TYW1B: variants seen among roughly 807,000 people sequenced by gnomAD.
TYW1B encodes S-adenosyl-L-methionine-dependent tRNA 4-demethylwyosine synthase TYW1B.
In TYW1B, 73 loss-of-function variants were observed where a neutral mutation model predicts 86.9. That is an observed-to-expected ratio of 0.84 (90% CI 0.70 to 1.02). TYW1B has a LOEUF of 1.02. TYW1B is among the 50% of genes least tolerant of loss of function. The pLI is 0.00. For synonymous variants in TYW1B, 248 were observed against 292.8 expected, an observed-to-expected ratio of 0.85 and a Z score of 1.56; for missense variants, 637 against 827.4, an observed-to-expected ratio of 0.77 and a Z score of 2.82.
intron 12 of TYW1B, among the ~76,000 whole-genome samples, chr7:72,625,459 T>C (rs1554438609): frequency 6.6e-6 from 1 of 151,606 alleles, no homozygotes; most frequent in African/African-American, 2.4e-5. Flanking sequence ...TTTCTATAAA[T>C]ACAAAAATGT....
intron 9 of TYW1B, among the ~76,000 whole-genome samples, chr7:72,715,948 T>C (rs1786773533): frequency 1.3e-5 from 2 of 152,156 alleles, no homozygotes; most frequent in African/African-American, 4.8e-5. Flanking sequence ...TGTTTGTTTT[T>C]GAGATGGAGT....
At chr7:72,741,513 C>T (rs1787304127) in intron 8 of TYW1B, among the ~76,000 whole-genome samples, 1 of 151,994 alleles carries the variant, frequency 6.6e-6, no homozygotes, top group African/African-American at 2.4e-5. Flanking sequence ...ATCAAGCATA[C>T]CAACATATGC....
intron 6 of TYW1B, among the ~76,000 whole-genome samples, chr7:72,779,849 T>A (rs1475345587): frequency 6.8e-6 from 1 of 147,050 alleles, no homozygotes; most frequent in Non-Finnish European, 1.5e-5. Context: ...GAGAATCAAA[T>A]GTACCAAATG....
chr7:72,625,073 A>G (rs1585857092), intron 12 of TYW1B, among the ~76,000 whole-genome samples: 1 of 152,212 alleles, frequency 6.6e-6, no homozygotes, highest in East Asian at 1.9e-4. Context: ...AAAAAAAAAA[A>G]AATTTAATTG....
At chr7:72,769,554 A>G (rs1787831195) in intron 7 of TYW1B, among the ~76,000 whole-genome samples, 1 of 152,222 alleles carries the variant, frequency 6.6e-6, no homozygotes. Context: ...AAAGAAAAAT[A>G]TGATATAGTG....
chr7:72,640,124 TTATAA>T (rs1479559598), intron 11 of TYW1B, among the ~76,000 whole-genome samples: 1 of 151,188 alleles, frequency 6.6e-6, no homozygotes, highest in Non-Finnish European at 1.5e-5. Context: ...AATGGAAAAC[TTATAA>T]TAAAATTCCT....
intron 9 of TYW1B, among the ~76,000 whole-genome samples, chr7:72,727,227 C>T (rs1261360845): frequency 6.6e-6 from 1 of 152,078 alleles, no homozygotes; most frequent in African/African-American, 2.4e-5. Flanking sequence ...CTTCAGAATG[C>T]TAATTACTGA....
intron 12 of TYW1B, among the ~76,000 whole-genome samples, chr7:72,622,746 ACAC>A (rs1291710977): frequency 6.6e-6 from 1 of 151,388 alleles, no homozygotes; most frequent in Non-Finnish European, 1.5e-5. Context: ...CATACAACAC[ACAC>A]AAGTGCACAC....
chr7:72,735,224 T>C (rs1212491336), intron 8 of TYW1B, among the ~76,000 whole-genome samples: 2 of 152,090 alleles, frequency 1.3e-5, no homozygotes, highest in African/African-American at 4.8e-5. Flanking sequence ...AGCAGATAAA[T>C]GGATAAAGGA....
At chr7:72,733,431 G>A (rs145150090) in intron 8 of TYW1B, among the ~76,000 whole-genome samples, 1,965 of 152,060 alleles carry the variant, frequency 0.013, 64 homozygotes, top group Admixed American at 0.072. Flanking sequence ...AGGCCAAGGC[G>A]GGCGGATCAT....
chr7:72,578,109 T>C (rs1290822588), intron 13 of TYW1B, among the ~76,000 whole-genome samples: 1 of 139,676 alleles, frequency 7.2e-6, no homozygotes, highest in Non-Finnish European at 1.5e-5. Context: ...CCTCTCTTCC[T>C]CACCATTTTT....
chr7:72,658,073 G>A (rs1283333584), intron 11 of TYW1B, among the ~76,000 whole-genome samples: 1 of 152,078 alleles, frequency 6.6e-6, no homozygotes, highest in East Asian at 1.9e-4. Flanking sequence ...GGCTAACACA[G>A]TGAAACCCCG....
At chr7:72,615,211 G>C (rs1337481541) in intron 13 of TYW1B, among the ~76,000 whole-genome samples, 3 of 152,146 alleles carry the variant, frequency 2.0e-5, no homozygotes, top group African/African-American at 7.2e-5. Context: ...TATCCTCATG[G>C]GAAAAGAGAA....
chr7:72,770,427 C>CAAAAAAAAAA (rs587645992), intron 7 of TYW1B, among the ~76,000 whole-genome samples: 3 of 94,444 alleles, frequency 3.2e-5, no homozygotes, highest in African/African-American at 4.4e-5. Flanking sequence ...GACTCCGTCT[C>CAAAAAAAAAA]AAAAAAAAAA....
At chr7:72,578,514 G>A (rs1423254478) in intron 13 of TYW1B, among the ~76,000 whole-genome samples, 3 of 152,052 alleles carry the variant, frequency 2.0e-5, no homozygotes, top group African/African-American at 7.2e-5. Context: ...GCTGCTACTG[G>A]CTCCATAGAA....
intron 8 of TYW1B, among the ~76,000 whole-genome samples, chr7:72,743,652 TG>T (rs1168835704): frequency 2.0e-4 from 30 of 152,124 alleles, no homozygotes; most frequent in African/African-American, 7.0e-4. Flanking sequence ...AAAACCGGCC[TG>T]GCCAACATGG....
At chr7:72,671,917 A>C (rs1332034065) in intron 11 of TYW1B, among the ~76,000 whole-genome samples, 24 of 151,802 alleles carry the variant, frequency 1.6e-4, no homozygotes, top group Non-Finnish European at 2.9e-5. Context: ...ATTCAAGGAA[A>C]GAATAGGAGG....
intron 13 of TYW1B, among the ~76,000 whole-genome samples, chr7:72,576,509 C>CTT (rs11334473): frequency 1.5e-3 from 180 of 120,048 alleles, no homozygotes; most frequent in Non-Finnish European, 2.0e-3. Context: ...ATGCCACTGT[C>CTT]TTTTTTTTTT....
Position 72,644,744 on chromosome 7 carries a change from AT to A in TYW1B, c.1507-15748del, listed in dbSNP as rs1393261811. On this transcript the variant is annotated intron_variant, in intron 11 of 13. Coordinates refer to ENST00000620995, the MANE Select transcript of TYW1B (RefSeq NM_001145440.3). ...TCCCCACTTTAATGACTTTAAAAAA[AT>A]TACAGACTTCAAAATGTGAAAGGAA... Among the ~76,000 whole-genome samples the A allele has an allele frequency of 7.9e-5, 12 of 152,158 alleles. No individual in the cohort carries two copies. The East Asian group carries it at 2.3e-3, about 29-fold the overall frequency.
Sources: allele counts gnomAD v4.1 joint callset (sites outside exome capture counted in the v4.1 genomes callset), GRCh38; gene constraint gnomAD v4.1.1; transcripts MANE v1.5; gene names NCBI Gene and HGNC (gene_info 2026-07-23, HGNC 2026-07-21).